The following NCOA5 variants were observed in gnomAD, a reference collection of about 807,000 sequenced individuals.
NCOA5 encodes the protein nuclear receptor coactivator 5, also known as NCoA-5.
NCOA5 carries 12 observed loss-of-function variants against 59.0 expected under a neutral mutation model. The ratio of observed to expected loss-of-function variants is 0.20; its 90% CI spans 0.13 to 0.33. The LOEUF (loss-of-function observed/expected upper bound fraction) is 0.33. Ranked by LOEUF, NCOA5 falls within the 10% of genes least tolerant of loss-of-function variation. The probability of loss-of-function intolerance (pLI) is 1.00; values close to 1 mark genes in which losing one functional copy is unlikely to be tolerated. For synonymous variants in NCOA5, 270 were observed against 275.5 expected (o/e 0.98, Z 0.20); for missense variants, 655 against 766.6 (o/e 0.85, Z 1.72).
In NCOA5 at chr20:46,063,821, G is replaced by A. The variant is rs566984861; in HGVS notation, c.830-141C>T. The A allele has an allele frequency of 3.5e-6, 3 of 861,626 alleles. No individual in the cohort carries two copies. In the East Asian group the frequency reaches 8.0e-5, roughly 23 times the overall value. 53.4% of individuals were successfully genotyped at this position (861,626 alleles called of 1,614,324 possible). On this transcript the variant is annotated intron_variant, in intron 6 of 7. Transcript: ENST00000290231. ...AAAAAGCCTTGAGATTGAGAGTGGG[G>A]TGGTGTGGGGGGAGAGATGAAGGCC...
chr20:46,088,713 T>A (rs1244078177), intron 1 of NCOA5, among the ~76,000 whole-genome samples: 1 of 152,200 alleles, frequency 6.6e-6, no homozygotes, highest in Non-Finnish European at 1.5e-5. Context: ...ACAAGAAAGC[T>A]GTTACATTAT....
At chr20:46,065,277 T>G in intron 5 of NCOA5, 49 bp from the exon 6 acceptor site, 3 of 1,580,324 alleles carry the variant, frequency 1.9e-6, no homozygotes, top group Non-Finnish European at 2.6e-6. Context: ...CAAATCTGCA[T>G]CGTGTGTCTC....
At chr20:46,085,171 G>A (rs929865109) in intron 1 of NCOA5, among the ~76,000 whole-genome samples, 1 of 151,860 alleles carries the variant, frequency 6.6e-6, no homozygotes, top group Non-Finnish European at 1.5e-5. Context: ...GCTGGGACAA[G>A]ACGCATGCAC....
chr20:46,084,593 T>C (rs2085027402), intron 1 of NCOA5, among the ~76,000 whole-genome samples: 1 of 152,230 alleles, frequency 6.6e-6, no homozygotes, highest in Admixed American at 6.5e-5. Flanking sequence ...TTTCTTATTC[T>C]TTTAAGGAAA....
chr20:46,067,205 C>T (rs1448254378), intron 4 of NCOA5, 24 bp from the exon 5 acceptor site: 2 of 1,608,526 alleles, frequency 1.2e-6, no homozygotes, highest in Non-Finnish European at 1.7e-6. Flanking sequence ...CCAGGGTAAA[C>T]TGAAATAAGG....
chr20:46,068,764 T>C (rs2084851014), intron 3 of NCOA5, 126 bp from the exon 4 acceptor site: 2 of 847,956 alleles, frequency 2.4e-6, no homozygotes, highest in African/African-American at 1.7e-5. Context: ...ATCAGCTCTG[T>C]GGCTGTGATA....
At chr20:46,085,134 G>A (rs1267974418) in intron 1 of NCOA5, among the ~76,000 whole-genome samples, 1 of 152,016 alleles carries the variant, frequency 6.6e-6, no homozygotes, top group Non-Finnish European at 1.5e-5. Context: ...GAACTCAAGC[G>A]GTCTTCCTGC....
chr20:46,076,220 G>A (rs1438467959), intron 2 of NCOA5, among the ~76,000 whole-genome samples: 1 of 114,472 alleles, frequency 8.7e-6, no homozygotes, highest in Non-Finnish European at 2.2e-5. Flanking sequence ...TGCACCCCCT[G>A]TGGCTGGGGG....
intron 1 of NCOA5, among the ~76,000 whole-genome samples, chr20:46,086,024 C>G (rs1047200789): frequency 4.6e-5 from 7 of 152,166 alleles, no homozygotes; most frequent in Admixed American, 2.6e-4. Context: ...GCTAGGAATA[C>G]AGGTGCATGC....
Position 46,088,170 on chromosome 20 carries a change from C to G in NCOA5, c.-30+1647G>C, listed in dbSNP as rs181164644. Among the ~76,000 whole-genome samples, 167 of 152,244 alleles carry G rather than the reference C, an allele frequency of 1.1e-3. 1 individual carries two copies. Among genetic ancestry groups the G allele is most frequent in the African/African-American group, 3.8e-3 (156 of 41,548 alleles). On this transcript the variant is annotated intron_variant, in intron 1 of 7. Transcript: ENST00000290231. ...CAAGTAAGTTAATCTGTCAATGCCT[C>G]CTTTAAACTTGTGGTGTTCACAGGT...
At chr20:46,074,107 T>C (rs531310813) in intron 2 of NCOA5, among the ~76,000 whole-genome samples, 5 of 152,274 alleles carry the variant, frequency 3.3e-5, no homozygotes, top group African/African-American at 1.2e-4. Context: ...AGATAAACAC[T>C]ATGGTAGACT....
At position 46,089,098 on chromosome 20, in the gene NCOA5, A is replaced by T. The variant is rs551313646; in HGVS notation, c.-30+719T>A. Among the ~76,000 whole-genome samples the T allele has an allele frequency of 1.1e-4, 16 of 152,360 alleles. No individual in the cohort carries two copies. The South Asian group carries it at 2.9e-3, about 28-fold the overall frequency. Reference sequence around the variant, plus strand: ...TGCAACGCGAGACTGAAACGTGTGCAACGCCGTCCTAAGAGAAGCCCCTCG... The same window carrying T: ...TGCAACGCGAGACTGAAACGTGTGCTACGCCGTCCTAAGAGAAGCCCCTCG... On this transcript the variant is annotated intron_variant, in intron 1 of 7. Transcript: ENST00000290231.
intron 6 of NCOA5, 81 bp from the exon 7 acceptor site, chr20:46,063,761 T>A: frequency 7.4e-7 from 1 of 1,352,398 alleles, no homozygotes; most frequent in Non-Finnish European, 1.0e-6. Flanking sequence ...AAGTCTTTCC[T>A]AACCTCATAC....
chr20:46,066,918 A>G, intron 5 of NCOA5, 137 bp downstream of exon 5: 1 of 1,022,244 alleles, frequency 9.8e-7, no homozygotes. Context: ...GTCACCTATA[A>G]CTGAAAGAAC....
rs770898276 is a variant in NCOA5, at chr20:46,065,036, G to C, written c.822C>G (p.Thr274=). 6 of 1,614,016 alleles carry C rather than the reference G, an allele frequency of 3.7e-6. No homozygotes were observed. The highest frequency in any genetic ancestry group is 1.3e-5 in the African/African-American group (1 of 74,908). ...GGTATTCTGACTCTGTACCTTGCGG[G>C]GTTCCAAACATGATGTTGACTGTGC... is the stretch of plus-strand genomic sequence containing the variant. ...RSCTVNIMFG[T]PQEHRNMPQA... The change falls in exon 6 of 8, where the codon ACC becomes ACG. Residue 274 remains threonine (T), a synonymous_variant. Coordinates refer to ENST00000290231, the MANE Select transcript of NCOA5 (RefSeq NM_020967.3).
intron 4 of NCOA5, among the ~76,000 whole-genome samples, chr20:46,067,401 A>G (rs2084836059): frequency 6.6e-6 from 1 of 152,230 alleles, no homozygotes; most frequent in South Asian, 2.1e-4. Flanking sequence ...CTTACTGCCA[A>G]GCTGCTCCCT....
At chr20:46,068,703 G>A in intron 3 of NCOA5, 65 bp from the exon 4 acceptor site, 1 of 1,508,332 alleles carries the variant, frequency 6.6e-7, no homozygotes, top group East Asian at 2.3e-5. Context: ...GTCACCTAGA[G>A]AATTCTCTGG....
rs2084805096 is a variant in NCOA5 at position 46,064,928 on chromosome 20, C to T, written c.829+101G>A. 4.4e-6 allele frequency: 5 copies of T among 1,137,378 alleles called. No homozygotes were observed. The Admixed American group carries it at 8.9e-5, about 20-fold the overall frequency. 70.5% of individuals were successfully genotyped at this position (1,137,378 alleles called of 1,614,324 possible). ...AGAGAGGGGCCCTACCATATATGAA[C>T]TGAGATATAAGAGTCATTTGCCCAA... On this transcript the variant is annotated intron_variant, in intron 6 of 7. Coordinates refer to ENST00000290231, the MANE Select transcript of NCOA5 (RefSeq NM_020967.3).
chr20:46,081,857 A>AC (rs2145551291), intron 1 of NCOA5, among the ~76,000 whole-genome samples: 1 of 152,106 alleles, frequency 6.6e-6, no homozygotes, highest in South Asian at 2.1e-4. Flanking sequence ...AAACACAACC[A>AC]CCAACATTAC....
Sources: allele counts gnomAD v4.1 joint callset (sites outside exome capture counted in the v4.1 genomes callset), GRCh38; gene constraint gnomAD v4.1.1; transcripts MANE v1.5; gene names NCBI Gene and HGNC (gene_info 2026-07-23, HGNC 2026-07-21).